Variants in CLVS1 observed in about 807,000 individuals in gnomAD.
The protein encoded by CLVS1 is clavesin 1.
A neutral mutation model predicts 33.1 loss-of-function variants in CLVS1; 10 were observed. The ratio of observed to expected loss-of-function variants is 0.30; its 90% CI spans 0.19 to 0.51. The LOEUF (loss-of-function observed/expected upper bound fraction) is 0.51, where lower values mean the gene tolerates loss of function less well. CLVS1 is among the 20% of genes least tolerant of loss of function. CLVS1 has a pLI of 0.97. For synonymous variants in CLVS1, 163 were observed against 166.1 expected, an observed-to-expected ratio of 0.98 and a Z score of 0.14; for missense variants, 343 against 433.4, an observed-to-expected ratio of 0.79 and a Z score of 1.85.
At chr8:61,379,224 A>T (rs565439209) in intron 3 of CLVS1, among the ~76,000 whole-genome samples, 1 of 152,280 alleles carries the variant, frequency 6.6e-6, no homozygotes, top group Non-Finnish European at 1.5e-5. Flanking sequence ...GGTGTGAGAA[A>T]GTGGCCTTGT....
chr8:61,444,591 C>G (rs1442425656), intron 3 of CLVS1, among the ~76,000 whole-genome samples: 1 of 152,152 alleles, frequency 6.6e-6, no homozygotes, highest in East Asian at 1.9e-4. Context: ...CATGGAGTAA[C>G]TGCTATGATA....
chr8:61,469,906 ACTT>A (rs1817678439), intron 5 of CLVS1, among the ~76,000 whole-genome samples: 1 of 152,102 alleles, frequency 6.6e-6, no homozygotes, highest in South Asian at 2.1e-4. Context: ...ATGTGATTGA[ACTT>A]CTTAGTTTTG....
At chr8:61,449,202 A>G (rs1816866728) in intron 3 of CLVS1, among the ~76,000 whole-genome samples, 2 of 152,186 alleles carry the variant, frequency 1.3e-5, no homozygotes, top group Non-Finnish European at 2.9e-5. Flanking sequence ...GGCTCCCCAC[A>G]TGGTCTCCAC....
intron 2 of CLVS1, among the ~76,000 whole-genome samples, chr8:61,368,669 C>T (rs1281889997): frequency 1.3e-5 from 2 of 152,164 alleles, no homozygotes; most frequent in African/African-American, 4.8e-5. Flanking sequence ...GTGAACTGAA[C>T]TGAACCAAAA....
chr8:61,066,825 C>T (rs1804690476), intron 1 of CLVS1, among the ~76,000 whole-genome samples: 1 of 152,218 alleles, frequency 6.6e-6, no homozygotes, highest in Non-Finnish European at 1.5e-5. Flanking sequence ...TGTGTTGTTC[C>T]TGCCAAATTA....
At chr8:61,112,184 A>ACG (rs1216042663) in intron 1 of CLVS1, among the ~76,000 whole-genome samples, 1 of 108,422 alleles carries the variant, frequency 9.2e-6, no homozygotes, top group Admixed American at 8.5e-5. Context: ...CGTGCTACAC[A>ACG]CACACACACA....
At chr8:61,089,020 T>C (rs1805181867) in intron 1 of CLVS1, among the ~76,000 whole-genome samples, 2 of 152,062 alleles carry the variant, frequency 1.3e-5, no homozygotes, top group Admixed American at 6.5e-5. Context: ...GCCAGGATGG[T>C]CTCAATCTCC....
intron 5 of CLVS1, among the ~76,000 whole-genome samples, chr8:61,494,491 T>G (rs955718018): frequency 1.3e-5 from 2 of 152,140 alleles, no homozygotes; most frequent in Non-Finnish European, 2.9e-5. Context: ...GAAATGTTTG[T>G]TTTAGCAGAC....
intron 2 of CLVS1, among the ~76,000 whole-genome samples, chr8:61,191,678 C>G (rs1807484548): frequency 1.5e-5 from 1 of 67,784 alleles, no homozygotes; most frequent in Non-Finnish European, 4.0e-5. Context: ...TTGGCAAAGT[C>G]TCAGGATAAA....
chr8:61,500,717 T>C lies in CLVS1; in HGVS notation c.*1175T>C, dbSNP rs1804707772. The C allele has an allele frequency of 6.6e-6, 1 of 152,250 alleles. No homozygotes were observed. Among genetic ancestry groups the C allele is most frequent in the Non-Finnish European group, 1.5e-5 (1 of 68,044 alleles). The allele number at this position is 152,250 out of a possible 1,614,324, so 9.4% of individuals were successfully genotyped here. ...AGTGCATATTTTTAGACATCTCTTA[T>C]TCGCCCAGCCATCTGCATGACATGG... On this transcript the variant is annotated 3_prime_UTR_variant, in exon 6 of 6. Coordinates refer to ENST00000325897, the MANE Select transcript of CLVS1 (RefSeq NM_173519.3).
chr8:60,994,758 A>G, the CLVS1 span, among the ~76,000 whole-genome samples: 1 of 152,230 alleles, frequency 6.6e-6, no homozygotes, highest in Admixed American at 6.5e-5. Flanking sequence ...GAAGAAAGGC[A>G]TTGGTAGCTT....
chr8:61,164,917 C>T (rs1448100393), intron 2 of CLVS1, among the ~76,000 whole-genome samples: 1 of 152,192 alleles, frequency 6.6e-6, no homozygotes, highest in Admixed American at 6.5e-5. Flanking sequence ...TACCAGGGGT[C>T]CTTGCTCACA....
At chr8:61,249,707 T>C (rs371146197) in intron 2 of CLVS1, among the ~76,000 whole-genome samples, 12 of 152,240 alleles carry the variant, frequency 7.9e-5, no homozygotes, top group East Asian at 7.7e-4. Flanking sequence ...GTTGGCTGCA[T>C]AAATGTCTTC....
chr8:61,027,020 C>A, the CLVS1 span, among the ~76,000 whole-genome samples: 6 of 152,280 alleles, frequency 3.9e-5, no homozygotes, highest in East Asian at 9.7e-4. Flanking sequence ...CCTTTAAGAA[C>A]CTGCAGGATT....
At chr8:61,460,990 T>C (rs1229706023) in intron 5 of CLVS1, among the ~76,000 whole-genome samples, 1 of 152,226 alleles carries the variant, frequency 6.6e-6, no homozygotes, top group Non-Finnish European at 1.5e-5. Flanking sequence ...AGCACAATGG[T>C]TTTGGCACCC....
chr8:61,333,695 G>A (rs1016290276), intron 2 of CLVS1, among the ~76,000 whole-genome samples: 2 of 152,104 alleles, frequency 1.3e-5, no homozygotes, highest in African/African-American at 2.4e-5. Flanking sequence ...AGGCAAAAAG[G>A]GTTTGCTTTT....
chr8:60,971,071 CTTTTTTT>C, the CLVS1 span, among the ~76,000 whole-genome samples: 9 of 91,052 alleles, frequency 9.9e-5, no homozygotes, highest in Non-Finnish European at 1.6e-4. Flanking sequence ...ATGACTTTTC[CTTTTTTT>C]TTTTTTTTTT....
At chr8:61,232,031 T>TTTTTTTG (rs1808451252) in intron 2 of CLVS1, among the ~76,000 whole-genome samples, 1 of 62,442 alleles carries the variant, frequency 1.6e-5, no homozygotes, top group East Asian at 3.3e-4. Flanking sequence ...TGGTTTTTTT[T>TTTTTTTG]TTTTTTTTTT....
intron 3 of CLVS1, among the ~76,000 whole-genome samples, chr8:61,419,908 C>A (rs1360397404): frequency 6.6e-6 from 1 of 152,194 alleles, no homozygotes; most frequent in East Asian, 1.9e-4. Flanking sequence ...TTTCCTAACC[C>A]CTTGATATTT....
Sources: gnomAD v4.1 joint callset for allele counts (sites outside exome capture counted in the v4.1 genomes callset) on GRCh38, gnomAD v4.1.1 for gene constraint, MANE v1.5 for transcripts, NCBI Gene and HGNC (gene_info 2026-07-23, HGNC 2026-07-21) for gene names.